Variants in IYD observed in about 807,000 individuals in gnomAD.
IYD encodes iodotyrosine deiodinase, also known as iodotyrosine deiodinase 1.
IYD carries 25 observed loss-of-function variants against 28.4 expected under a neutral mutation model. The ratio of observed to expected loss-of-function variants is 0.88; its 90% CI spans 0.64 to 1.23. The LOEUF (loss-of-function observed/expected upper bound fraction) is 1.23, where lower values mean the gene tolerates loss of function less well. IYD is among the 50% of genes most tolerant of loss of function. IYD has a pLI of 0.00. For missense variants in IYD, 352 were observed against 357.9 expected, an observed-to-expected ratio of 0.98 and a Z score of 0.13; for synonymous variants, 140 against 130.8, an observed-to-expected ratio of 1.07 and a Z score of -0.48.
In IYD at chr6:150,369,160, G is replaced by T. The variant is rs373631895; in HGVS notation, c.129G>T (p.Trp43Cys). The T allele has an allele frequency of 3.1e-6, 5 of 1,613,816 alleles. No individual in the cohort carries two copies. Among genetic ancestry groups the T allele is most frequent in the Non-Finnish European group, 4.2e-6 (5 of 1,179,992 alleles). Residue 43 changes from tryptophan to cysteine, a missense_variant, in exon 1 of 5, where the codon TGG becomes TGT. Trp to Cys is a radical substitution (Grantham distance 215). Coordinates refer to ENST00000344419, the MANE Select transcript of IYD (RefSeq NM_203395.3). Reference sequence around the variant, plus strand: ...GAACCAGGGCCGAAGCTCGCCCCTGGGTGGATGAAGACTTAAAAGACAGCA... The same window carrying T: ...GAACCAGGGCCGAAGCTCGCCCCTGTGTGGATGAAGACTTAAAAGACAGCA... ...EPRTRAEARP[W>C]VDEDLKDSSD...
At chr6:150,377,702 G>T (rs1471951141) in intron 1 of IYD, among the ~76,000 whole-genome samples, 1 of 152,146 alleles carries the variant, frequency 6.6e-6, no homozygotes, top group African/African-American at 2.4e-5. Context: ...GTGCTGAATG[G>T]GTCTTAAGAC....
intron 1 of IYD, among the ~76,000 whole-genome samples, chr6:150,372,327 TG>T (rs1297174950): frequency 4.5e-4 from 23 of 51,540 alleles, no homozygotes; most frequent in South Asian, 1.4e-3. Context: ...GTGGGTGGGG[TG>T]GGGGGTGGTG....
intron 2 of IYD, among the ~76,000 whole-genome samples, chr6:150,390,000 G>T (rs1363948344): frequency 6.6e-6 from 1 of 151,880 alleles, no homozygotes; most frequent in African/African-American, 2.4e-5. Context: ...AACTAGCAAA[G>T]TTTACTTATG....
chr6:150,395,884 A>C, intron 4 of IYD: 1 of 567,868 alleles, frequency 1.8e-6, no homozygotes, highest in Non-Finnish European at 3.1e-6. Context: ...GCTTGGAAAG[A>C]GGTCGATGGG....
At chr6:150,371,501 T>C (rs533452180) in intron 1 of IYD, among the ~76,000 whole-genome samples, 2 of 151,958 alleles carry the variant, frequency 1.3e-5, no homozygotes, top group African/African-American at 2.4e-5. Flanking sequence ...CCCAAGAGGT[T>C]TGAGGACACA....
intron 4 of IYD, among the ~76,000 whole-genome samples, chr6:150,394,632 G>C (rs1033275289): frequency 1.3e-5 from 2 of 152,160 alleles, no homozygotes; most frequent in Non-Finnish European, 2.9e-5. Flanking sequence ...GCCATGAGAA[G>C]GGCTCTTCAT....
intron 4 of IYD, among the ~76,000 whole-genome samples, chr6:150,395,213 G>A (rs983619287): frequency 4.6e-5 from 7 of 152,082 alleles, no homozygotes; most frequent in Admixed American, 3.3e-4. Context: ...GGGCTGGGTA[G>A]TGGATAGAGA....
intron 4 of IYD, among the ~76,000 whole-genome samples, chr6:150,397,206 C>A (rs1281038619): frequency 6.6e-6 from 1 of 151,870 alleles, no homozygotes; most frequent in African/African-American, 2.4e-5. Context: ...GTTCAAATGC[C>A]AATATTAGAG....
Position 150,398,338 on chromosome 6 carries a change from G to C in IYD, c.*101G>C, listed in dbSNP as rs925861794. On this transcript the variant is annotated 3_prime_UTR_variant, in exon 5 of 5. Transcript: ENST00000344419. ...TCTCTTGGCTGCTCTTTCTCCAGGT[G>C]TCAGGTCCCCTCATTGCTCTTCTCA... 4.3e-6 allele frequency: 5 copies of C among 1,174,456 alleles called. No homozygotes were observed. Among genetic ancestry groups the C allele is most frequent in the Non-Finnish European group, 6.3e-6 (5 of 795,244 alleles). 72.8% of individuals were successfully genotyped at this position (1,174,456 alleles called of 1,614,324 possible).
intron 2 of IYD, among the ~76,000 whole-genome samples, chr6:150,390,221 C>T (rs1392669942): frequency 6.6e-6 from 1 of 152,180 alleles, no homozygotes; most frequent in Non-Finnish European, 1.5e-5. Flanking sequence ...CGTTATTAAT[C>T]TATTGTCCAA....
intron 1 of IYD, among the ~76,000 whole-genome samples, chr6:150,387,154 G>T (rs1329483800): frequency 6.6e-6 from 1 of 152,038 alleles, no homozygotes; most frequent in Non-Finnish European, 1.5e-5. Flanking sequence ...TTGTAGTTTT[G>T]CAACTAACGC....
intron 1 of IYD, among the ~76,000 whole-genome samples, chr6:150,386,644 G>A (rs1295669866): frequency 2.6e-5 from 4 of 151,680 alleles, no homozygotes; most frequent in African/African-American, 9.7e-5. Flanking sequence ...TCACTGTGTT[G>A]TGGATTTTTA....
intron 1 of IYD, among the ~76,000 whole-genome samples, chr6:150,380,424 A>G (rs377014514): frequency 6.6e-6 from 1 of 152,202 alleles, no homozygotes; most frequent in Non-Finnish European, 1.5e-5. Context: ...CTAATATAAA[A>G]CAGATCAACT....
intron 1 of IYD, among the ~76,000 whole-genome samples, chr6:150,382,925 T>C (rs139250145): frequency 6.6e-6 from 1 of 152,320 alleles, no homozygotes; most frequent in African/African-American, 2.4e-5. Flanking sequence ...TCATAAGTCA[T>C]TGTTGGTCTG....
chr6:150,377,917 T>C (rs180861438), intron 1 of IYD, among the ~76,000 whole-genome samples: 13 of 152,302 alleles, frequency 8.5e-5, no homozygotes, highest in Admixed American at 7.8e-4. Context: ...CCAGGACTGA[T>C]TGTTAGAAAG....
intron 3 of IYD, 65 bp downstream of exon 3, chr6:150,392,569 C>T: frequency 6.7e-7 from 1 of 1,489,078 alleles, no homozygotes; most frequent in Non-Finnish European, 9.3e-7. Flanking sequence ...ACCACCACCA[C>T]CATGTCCTGG....
chr6:150,374,989 A>G (rs1037259414), intron 1 of IYD, among the ~76,000 whole-genome samples: 6 of 152,126 alleles, frequency 3.9e-5, no homozygotes, highest in Non-Finnish European at 8.8e-5. Flanking sequence ...TCTGAACCCC[A>G]CTGGCTTTAG....
chr6:150,369,092 A>T lies in IYD; in HGVS notation c.61A>T (p.Lys21Ter). 6.2e-7 allele frequency: 1 copy of T among 1,613,678 alleles called. No individual in the cohort carries two copies. The highest frequency in any genetic ancestry group is 8.5e-7 in the Non-Finnish European group (1 of 1,179,882). The change falls in exon 1 of 5, where the codon AAA becomes TAA. Residue 21 changes from lysine to a stop codon, truncating the protein, a stop_gained. Transcript: ENST00000344419. LOFTEE classifies it high-confidence loss of function. ...ILCILVVWIF[K>*]NADRSMEKKK... ...CTGCATTTTGGTTGTGTGGATCTTT[A>T]AAAATGCCGACAGAAGCATGGAGAA... is the stretch of plus-strand genomic sequence containing the variant.
intron 1 of IYD, among the ~76,000 whole-genome samples, chr6:150,388,643 C>CTTTCTTTCTTTG (rs1291158259): frequency 1.8e-5 from 1 of 54,118 alleles, no homozygotes; most frequent in East Asian, 3.4e-4. Context: ...TTCTTTCTTT[C>CTTTCTTTCTTTG]TTTCTTTCTT....
Sources: allele counts gnomAD v4.1 joint callset (sites outside exome capture counted in the v4.1 genomes callset), GRCh38; gene constraint gnomAD v4.1.1; transcripts MANE v1.5; gene names NCBI Gene and HGNC (gene_info 2026-07-23, HGNC 2026-07-21).